Variants in TTC7A observed in about 807,000 individuals in gnomAD.
TTC7A encodes tetratricopeptide repeat domain 7A, also known as tetratricopeptide repeat protein 7A.
In TTC7A, 110 loss-of-function variants were observed where a neutral mutation model predicts 103.7. That is an observed-to-expected ratio of 1.06 (90% confidence interval 0.91 to 1.24). The LOEUF (loss-of-function observed/expected upper bound fraction) is 1.24. TTC7A is among the 50% of genes most tolerant of loss of function. TTC7A has a pLI of 0.00. For synonymous variants in TTC7A, 521 were observed against 467.9 expected (o/e 1.11, Z -1.47); for missense variants, 1,340 against 1,116.3 (o/e 1.20, Z -2.86).
In TTC7A at chr2:46,996,715, A is replaced by G. The variant is rs116117635; in HGVS notation, c.1065+1516A>G. On this transcript the variant is annotated intron_variant, in intron 8 of 19. Coordinates refer to ENST00000319190, the MANE Select transcript of TTC7A (RefSeq NM_020458.4). ...TAAGTGGTTGCCCAGGGGAGGGGCC[A>G]TCTCGCTGGTTAGCAGCTGTGGAGA... Among the ~76,000 whole-genome samples the G allele has an allele frequency of 3.7e-3, 561 of 152,356 alleles. 6 individuals are homozygous for G. The highest frequency in any genetic ancestry group is 0.013 in the African/African-American group (527 of 41,588).
chr2:47,057,428 C>G (rs1237833289), intron 18 of TTC7A, among the ~76,000 whole-genome samples: 1 of 152,138 alleles, frequency 6.6e-6, no homozygotes, highest in Non-Finnish European at 1.5e-5. Context: ...ACCAGGGCCC[C>G]GAGGCAAGAG....
In TTC7A at chr2:47,007,296, ACTCT is replaced by A. The variant is rs1161529615; in HGVS notation, c.1287+575_1287+578del. 6.6e-6 allele frequency among the ~76,000 whole-genome samples: 1 copy of A among 151,784 alleles called. No individual in the cohort carries two copies. Among genetic ancestry groups the A allele is most frequent in the Non-Finnish European group, 1.5e-5 (1 of 67,934 alleles). ...AGCAAGGAGCACCGGGCATGAGTTC[ACTCT>A]CTATCCACCCAGCTCCGGTGCCATC... On this transcript the variant is annotated intron_variant, in intron 10 of 19. Transcript: ENST00000319190. This position sits in a 1 kb window ranked among gnomAD's most constrained non-coding sequence, Gnocchi z 4.9.
chr2:46,964,760 C>G (rs1672692193), intron 3 of TTC7A, among the ~76,000 whole-genome samples: 1 of 152,182 alleles, frequency 6.6e-6, no homozygotes, highest in African/African-American at 2.4e-5. Flanking sequence ...TCCCCAAGCT[C>G]CGGTGGGTCT....
At position 46,997,921 on chromosome 2, in the gene TTC7A, A is replaced by T. The variant is rs532547368; in HGVS notation, c.1065+2722A>T. 2.6e-5 allele frequency among the ~76,000 whole-genome samples: 4 copies of T among 152,228 alleles called. No homozygotes were observed. The South Asian group carries it at 6.2e-4, about 24-fold the overall frequency. ...ACCCACCCCCAAACCCTCCAAGTGGAGAATGGCCTTTTACAGAAACATGGC... is the reference window on the plus strand; with the variant it reads ...ACCCACCCCCAAACCCTCCAAGTGGTGAATGGCCTTTTACAGAAACATGGC... On this transcript the variant is annotated intron_variant, in intron 8 of 19. Coordinates refer to ENST00000319190, the MANE Select transcript of TTC7A (RefSeq NM_020458.4).
chr2:46,926,994 T>C (rs1264625756), intron 2 of TTC7A, among the ~76,000 whole-genome samples: 1 of 152,050 alleles, frequency 6.6e-6, no homozygotes, highest in Non-Finnish European at 1.5e-5. Flanking sequence ...AACTACAGTT[T>C]AGACACACGA....
At chr2:47,020,227 C>A (rs150209524) in intron 11 of TTC7A, among the ~76,000 whole-genome samples, 10 of 152,234 alleles carry the variant, frequency 6.6e-5, no homozygotes, top group African/African-American at 2.4e-4. Flanking sequence ...CTGAGCCCCA[C>A]AGCTGTCAGG....
intron 5 of TTC7A, among the ~76,000 whole-genome samples, chr2:46,986,659 G>T (rs1675043290): frequency 6.6e-6 from 1 of 152,180 alleles, no homozygotes; most frequent in South Asian, 2.1e-4. Context: ...GGATGGTGGA[G>T]CCTGCTTCCT....
intron 10 of TTC7A, 94 bp downstream of exon 10, chr2:47,006,818 G>T: frequency 9.8e-7 from 1 of 1,016,852 alleles, no homozygotes; most frequent in Non-Finnish European, 1.5e-6. Flanking sequence ...GGAGTGGGTG[G>T]GTATTATCCT....
chr2:46,990,782 G>A (rs112520703), intron 5 of TTC7A, among the ~76,000 whole-genome samples: 2,181 of 152,254 alleles, frequency 0.014, 56 homozygotes, highest in African/African-American at 0.05. Flanking sequence ...TCTGAAGCCC[G>A]ACTTCTTGAA....
intron 15 of TTC7A, among the ~76,000 whole-genome samples, chr2:47,042,508 A>C (rs1254944582): frequency 1.3e-5 from 2 of 152,168 alleles, no homozygotes; most frequent in Admixed American, 6.5e-5. Context: ...CTCTTTAAAA[A>C]AAAAAAGGAA....
intron 11 of TTC7A, among the ~76,000 whole-genome samples, chr2:47,021,102 C>T (rs754570018): frequency 2.6e-5 from 4 of 152,230 alleles, no homozygotes; most frequent in Non-Finnish European, 4.4e-5. Context: ...TCTCTGGAAA[C>T]TGGCGTTTTC....
chr2:46,947,859 G>A (rs73926990), intron 1 of TTC7A, among the ~76,000 whole-genome samples: 4,893 of 152,264 alleles, frequency 0.032, 259 homozygotes, highest in African/African-American at 0.11. Context: ...TACTCTGTCA[G>A]ATTTCTAAGG....
intron 8 of TTC7A, chr2:46,999,745 T>C (rs1676601317): frequency 1.0e-6 from 1 of 985,376 alleles, no homozygotes; most frequent in African/African-American, 1.7e-5. Context: ...GGAATCTTTC[T>C]TATTTCTGAA....
intron 11 of TTC7A, among the ~76,000 whole-genome samples, chr2:47,013,644 G>T (rs896481706): frequency 1.3e-5 from 2 of 152,192 alleles, no homozygotes; most frequent in Non-Finnish European, 2.9e-5. Context: ...TGCAGGAGCT[G>T]TTTCCCTCAG....
At chr2:47,011,104 C>T (rs1237841955) in intron 10 of TTC7A, among the ~76,000 whole-genome samples, 1 of 152,198 alleles carries the variant, frequency 6.6e-6, no homozygotes, top group African/African-American at 2.4e-5. Flanking sequence ...ATCATGTTAC[C>T]TAAAGAGCAA....
At chr2:46,963,494 TGGCAAA>T (rs983896881) in intron 3 of TTC7A, among the ~76,000 whole-genome samples, 49 of 152,206 alleles carry the variant, frequency 3.2e-4, no homozygotes, top group African/African-American at 1.1e-3. Context: ...AGCTTGGAGA[TGGCAAA>T]GTCCTCACTG....
chr2:47,070,445 G>A (rs770103056), intron 19 of TTC7A, among the ~76,000 whole-genome samples: 3 of 152,210 alleles, frequency 2.0e-5, no homozygotes, highest in Admixed American at 6.5e-5. Context: ...TCTGCATTTG[G>A]GCTACATCCT....
intron 1 of TTC7A, among the ~76,000 whole-genome samples, chr2:46,948,616 G>A (rs7556761): frequency 0.054 from 8,216 of 152,194 alleles, 676 homozygotes; most frequent in African/African-American, 0.18. Flanking sequence ...TTCTTCTTCA[G>A]AGGCATGAAG....
chr2:46,954,860 C>T (rs955164916), intron 2 of TTC7A, among the ~76,000 whole-genome samples: 37 of 152,144 alleles, frequency 2.4e-4, no homozygotes, highest in Non-Finnish European at 2.9e-5. Context: ...CGTGAGCCAC[C>T]GTACCCGGCC....
Sources: gnomAD v4.1 joint callset for allele counts (sites outside exome capture counted in the v4.1 genomes callset) on GRCh38, gnomAD v4.1.1 for gene constraint, Gnocchi (gnomAD v3.1) non-coding constraint, MANE v1.5 for transcripts, NCBI Gene and HGNC (gene_info 2026-07-23, HGNC 2026-07-21) for gene names.